Variants in XRCC4 observed in about 807,000 individuals in gnomAD.
XRCC4 encodes the protein X-ray repair cross complementing 4.
XRCC4 carries 28 observed loss-of-function variants against 39.1 expected under a neutral mutation model. The ratio of observed to expected loss-of-function variants is 0.72; its 90% CI spans 0.53 to 0.98. The LOEUF is 0.98. XRCC4 is among the 50% of genes least tolerant of loss of function. XRCC4 has a pLI of 0.00. For missense variants in XRCC4, 350 were observed against 376.4 expected (o/e 0.93, Z 0.58); for synonymous variants, 123 against 126.4 (o/e 0.97, Z 0.18).
intron 7 of XRCC4, among the ~76,000 whole-genome samples, chr5:83,301,043 G>A (rs1258909365): frequency 3.3e-5 from 5 of 152,148 alleles, no homozygotes; most frequent in Non-Finnish European, 7.3e-5. Context: ...ATAAACATAT[G>A]TGTGCGTGTG....
rs1744715259 is a variant in XRCC4, at chr5:83,077,571, G to A, written c.-55G>A. Reference sequence around the variant, plus strand: ...CATTGGTTGCAAAACCTTGATCTGTGAAAGCGGGCGTTTTGGAAGATACCG... The same window carrying A: ...CATTGGTTGCAAAACCTTGATCTGTAAAAGCGGGCGTTTTGGAAGATACCG... On this transcript the variant is annotated 5_prime_UTR_variant, in exon 1 of 8. Coordinates refer to ENST00000396027, the MANE Select transcript of XRCC4 (RefSeq NM_003401.5). The A allele has an allele frequency of 7.6e-6, 4 of 528,294 alleles. No homozygotes were observed. Among genetic ancestry groups the A allele is most frequent in the South Asian group, 2.5e-5 (1 of 39,966 alleles). 32.7% of individuals were successfully genotyped at this position (528,294 alleles called of 1,614,324 possible).
intron 7 of XRCC4, among the ~76,000 whole-genome samples, chr5:83,351,325 G>C (rs557384870): frequency 6.6e-6 from 1 of 152,186 alleles, no homozygotes; most frequent in Non-Finnish European, 1.5e-5. Flanking sequence ...AATACATAGG[G>C]GCACAGTTTC....
At chr5:83,280,865 G>A (rs957673730) in intron 7 of XRCC4, among the ~76,000 whole-genome samples, 1 of 152,186 alleles carries the variant, frequency 6.6e-6, no homozygotes, top group Non-Finnish European at 1.5e-5. Flanking sequence ...TGAAGTATGA[G>A]GGGCTTTATT....
intron 7 of XRCC4, among the ~76,000 whole-genome samples, chr5:83,295,085 T>C (rs1412904796): frequency 6.6e-6 from 1 of 152,074 alleles, no homozygotes; most frequent in Non-Finnish European, 1.5e-5. Flanking sequence ...ACTCTTCAAA[T>C]ATAGGAAACA....
intron 6 of XRCC4, among the ~76,000 whole-genome samples, chr5:83,231,614 C>T (rs1038150300): frequency 1.3e-5 from 2 of 152,064 alleles, no homozygotes; most frequent in Non-Finnish European, 2.9e-5. Flanking sequence ...GGCATAACAT[C>T]AGGACTACCT....
At chr5:83,084,165 T>C (rs1745081433) in intron 1 of XRCC4, among the ~76,000 whole-genome samples, 1 of 152,192 alleles carries the variant, frequency 6.6e-6, no homozygotes, top group Non-Finnish European at 1.5e-5. Context: ...CCTGGGTCTT[T>C]TGAGTGTAAA....
intron 6 of XRCC4, among the ~76,000 whole-genome samples, chr5:83,213,603 C>T (rs558630767): frequency 6.6e-6 from 1 of 152,042 alleles, no homozygotes; most frequent in Non-Finnish European, 1.5e-5. Context: ...ACCCTGGGCC[C>T]AGATGACTTC....
Position 83,218,440 on chromosome 5 carries a change from G to T in XRCC4, c.745+13519G>T, listed in dbSNP as rs570746336. The stretch of plus-strand genomic sequence containing the variant: ...AAGGGAAGGTATCTAAAGAAAACAG[G>T]TATTTCCTAGGACAGTGTTTGTATG... On this transcript the variant is annotated intron_variant, in intron 6 of 7. Coordinates refer to ENST00000396027, the MANE Select transcript of XRCC4 (RefSeq NM_003401.5). Among the ~76,000 whole-genome samples, 350 of 151,776 alleles carry T rather than the reference G, an allele frequency of 2.3e-3. 5 individuals carry two copies. Among genetic ancestry groups the T allele is most frequent in the African/African-American group, 7.9e-3 (328 of 41,384 alleles).
chr5:83,299,529 CTTATG>C (rs1755203925), intron 7 of XRCC4, among the ~76,000 whole-genome samples: 1 of 152,076 alleles, frequency 6.6e-6, no homozygotes. Flanking sequence ...TCCAATTAGA[CTTATG>C]TTATATCTTC....
At chr5:83,113,882 C>G (rs1013635171) in intron 3 of XRCC4, among the ~76,000 whole-genome samples, 9 of 152,122 alleles carry the variant, frequency 5.9e-5, no homozygotes, top group Non-Finnish European at 1.2e-4. Context: ...CGCCTCAGCC[C>G]CCCAAAGTGC....
Position 83,246,691 on chromosome 5 carries a change from G to A in XRCC4, c.746-11839G>A, listed in dbSNP as rs918194590. The stretch of plus-strand genomic sequence containing the variant: ...GAAACATTTACCTCATTGGAAAGAT[G>A]TTTCTTATTTAGGTAGTCTTTTCTC... On this transcript the variant is annotated intron_variant, in intron 6 of 7. Coordinates refer to ENST00000396027, the MANE Select transcript of XRCC4 (RefSeq NM_003401.5). 2.6e-5 allele frequency among the ~76,000 whole-genome samples: 4 copies of A among 152,236 alleles called. No homozygotes were observed. In the South Asian group the frequency reaches 8.3e-4, roughly 32 times the overall value.
intron 3 of XRCC4, among the ~76,000 whole-genome samples, chr5:83,162,060 G>A (rs980717726): frequency 5.9e-5 from 9 of 152,068 alleles, no homozygotes; most frequent in African/African-American, 2.2e-4. Flanking sequence ...CCAGCTACTC[G>A]GGAGGCTGAG....
At chr5:83,241,390 T>G (rs1482389619) in intron 6 of XRCC4, among the ~76,000 whole-genome samples, 1 of 152,198 alleles carries the variant, frequency 6.6e-6, no homozygotes, top group Non-Finnish European at 1.5e-5. Flanking sequence ...CGACATAATT[T>G]TACACAAATC....
chr5:83,348,441 G>A (rs1035182730), intron 7 of XRCC4, among the ~76,000 whole-genome samples: 5 of 152,212 alleles, frequency 3.3e-5, no homozygotes, highest in Admixed American at 1.3e-4. Context: ...AGACACCAAG[G>A]CTTGAGGCTT....
chr5:83,187,362 A>G (rs1182001223), intron 3 of XRCC4, among the ~76,000 whole-genome samples: 1 of 152,216 alleles, frequency 6.6e-6, no homozygotes, highest in Non-Finnish European at 1.5e-5. Flanking sequence ...CATTGGGCTC[A>G]CCCAGAAAAT....
chr5:83,095,308 A>G (rs961457014), intron 1 of XRCC4, among the ~76,000 whole-genome samples: 2 of 152,146 alleles, frequency 1.3e-5, no homozygotes, highest in East Asian at 3.9e-4. Context: ...AGCCTTGGCC[A>G]CAGGGTGTAT....
chr5:83,164,319 C>T (rs1391733317), intron 3 of XRCC4, among the ~76,000 whole-genome samples: 1 of 152,094 alleles, frequency 6.6e-6, no homozygotes, highest in Non-Finnish European at 1.5e-5. Flanking sequence ...TTTTGTTATG[C>T]ATCTTTTAAA....
intron 3 of XRCC4, among the ~76,000 whole-genome samples, chr5:83,189,840 A>G (rs564972417): frequency 1.7e-4 from 26 of 152,236 alleles, no homozygotes; most frequent in Non-Finnish European, 3.4e-4. Context: ...CAAGGCAGGC[A>G]TATCAATTTA....
chr5:83,090,363 A>G (rs1284225575), intron 1 of XRCC4, among the ~76,000 whole-genome samples: 2 of 152,040 alleles, frequency 1.3e-5, no homozygotes, highest in Non-Finnish European at 2.9e-5. Flanking sequence ...CTCCCTGCAC[A>G]AGCTCTGTCT....
Sources: allele counts gnomAD v4.1 joint callset (sites outside exome capture counted in the v4.1 genomes callset), GRCh38; gene constraint gnomAD v4.1.1; transcripts MANE v1.5; gene names NCBI Gene and HGNC (gene_info 2026-07-23, HGNC 2026-07-21).